The following CTNNA2 variants were observed in gnomAD, a reference collection of about 807,000 sequenced individuals.
CTNNA2 encodes the protein catenin alpha 2, also known as catenin alpha-2.
In CTNNA2, 42 loss-of-function variants were observed where a neutral mutation model predicts 101.0. The observed-to-expected ratio is 0.42, with a 90% CI of 0.32 to 0.54. CTNNA2 has a LOEUF of 0.54. Ranked by LOEUF, CTNNA2 falls within the 20% of genes least tolerant of loss-of-function variation. CTNNA2 has a pLI of 0.14. For missense variants in CTNNA2, 871 were observed against 1,223.1 expected (o/e 0.71, Z 4.29); for synonymous variants, 450 against 456.4 (o/e 0.99, Z 0.18).
chr2:80,574,665 G>GA (rs1201238937), intron 13 of CTNNA2, among the ~76,000 whole-genome samples: 1 of 152,124 alleles, frequency 6.6e-6, no homozygotes, highest in African/African-American at 2.4e-5. Context: ...AAGAAATGAA[G>GA]ATTACACAGC....
rs1022448093 is a variant in CTNNA2 at position 80,601,858 on chromosome 2, G to A, written c.2190-2216G>A. ...TTTAGTTAGTGTTTTTTGTAACTTCGTGTGTATTAATGTATGTAGTTAAGG... is the reference window on the plus strand; with the variant it reads ...TTTAGTTAGTGTTTTTTGTAACTTCATGTGTATTAATGTATGTAGTTAAGG... On this transcript the variant is annotated intron_variant, in intron 15 of 18. Transcript: ENST00000402739. 5.3e-5 allele frequency: 8 copies of A among 151,894 alleles called. No homozygotes were observed. In the South Asian group the frequency reaches 1.3e-3, roughly 24 times the overall value. The allele number at this position is 151,894 out of a possible 1,614,324, so 9.4% of individuals were successfully genotyped here. A position where few individuals can be genotyped will look rare whatever the true frequency, so the allele number is the denominator to read the frequency against.
chr2:79,928,357 C>G (rs1687169926), intron 7 of CTNNA2, among the ~76,000 whole-genome samples: 1 of 152,108 alleles, frequency 6.6e-6, no homozygotes, highest in Admixed American at 6.6e-5. Flanking sequence ...ATACAAAACA[C>G]TATTGTAGAT....
chr2:79,617,741 T>C (rs1342200884), intron 1 of CTNNA2, among the ~76,000 whole-genome samples: 2 of 152,176 alleles, frequency 1.3e-5, no homozygotes, highest in Non-Finnish European at 2.9e-5. Context: ...CTTTTCCTAT[T>C]CGTTAATGAG....
intron 7 of CTNNA2, among the ~76,000 whole-genome samples, chr2:80,208,815 C>G (rs1005058082): frequency 6.6e-6 from 1 of 152,184 alleles, no homozygotes; most frequent in African/African-American, 2.4e-5. Context: ...AACAATTTCA[C>G]CAATGAAAAG....
At chr2:80,320,592 A>G (rs1678584269) in intron 7 of CTNNA2, among the ~76,000 whole-genome samples, 1 of 152,202 alleles carries the variant, frequency 6.6e-6, no homozygotes, top group African/African-American at 2.4e-5. Context: ...CAAGTGTGGG[A>G]TGAAGAGAGG....
chr2:79,408,888 A>G (rs1678373689), intron 4 of CTNNA2, among the ~76,000 whole-genome samples: 2 of 151,408 alleles, frequency 1.3e-5, no homozygotes, highest in African/African-American at 4.9e-5. Context: ...GACTTCCACA[A>G]TGGTTGAACT....
intron 4 of CTNNA2, among the ~76,000 whole-genome samples, chr2:79,384,069 T>G (rs1200939425): frequency 1.3e-5 from 2 of 152,102 alleles, no homozygotes; most frequent in African/African-American, 4.8e-5. Flanking sequence ...ATGGGAAACA[T>G]TTAGCAACCA....
intron 7 of CTNNA2, among the ~76,000 whole-genome samples, chr2:80,319,564 G>T (rs1678481482): frequency 6.6e-6 from 1 of 152,150 alleles, no homozygotes; most frequent in East Asian, 1.9e-4. Context: ...TACTTTGATG[G>T]TTTTTCTCTT....
chr2:80,516,427 T>C (rs1689114570), intron 9 of CTNNA2, among the ~76,000 whole-genome samples: 1 of 152,156 alleles, frequency 6.6e-6, no homozygotes, highest in Admixed American at 6.5e-5. Context: ...GCAAATGAGC[T>C]TCCTACTTGT....
chr2:79,694,100 A>G (rs563137075), intron 2 of CTNNA2, among the ~76,000 whole-genome samples: 13 of 152,070 alleles, frequency 8.5e-5, no homozygotes, highest in African/African-American at 3.1e-4. Context: ...TCTTCTTCTC[A>G]CTTAGACAAC....
chr2:79,300,207 C>T lies in CTNNA2; in HGVS notation c.-405-12502C>T, dbSNP rs189349739. ...TCTTCCCCATCTCTGCCACAAACCCCGGCAACCAGTGATGTTTTCCTGTCT... is the reference window on the plus strand; with the variant it reads ...TCTTCCCCATCTCTGCCACAAACCCTGGCAACCAGTGATGTTTTCCTGTCT... On this transcript the variant is annotated intron_variant, in intron 2 of 21. Coordinates refer to the CTNNA2 transcript ENST00000466387. 1.7e-3 allele frequency among the ~76,000 whole-genome samples: 263 copies of T among 152,260 alleles called. 2 individuals are homozygous for T. The highest frequency in any genetic ancestry group is 4.7e-3 in the African/African-American group (196 of 41,554).
intron 7 of CTNNA2, among the ~76,000 whole-genome samples, chr2:80,171,588 C>T (rs1255674874): frequency 2.0e-5 from 3 of 152,236 alleles, no homozygotes; most frequent in Non-Finnish European, 4.4e-5. Context: ...TAGCGAGTCT[C>T]ATGCACTTTC....
intron 7 of CTNNA2, among the ~76,000 whole-genome samples, chr2:80,238,784 G>A (rs1709677935): frequency 6.6e-6 from 1 of 152,106 alleles, no homozygotes; most frequent in East Asian, 1.9e-4. Flanking sequence ...CTTCCCCACA[G>A]GACATCAACA....
chr2:80,534,719 T>C (rs968728583), intron 9 of CTNNA2, among the ~76,000 whole-genome samples: 1 of 152,174 alleles, frequency 6.6e-6, no homozygotes. Flanking sequence ...TGGGATGCAA[T>C]GCTGGTAGCA....
At chr2:80,463,979 G>A (rs1353060478) in intron 9 of CTNNA2, among the ~76,000 whole-genome samples, 1 of 151,946 alleles carries the variant, frequency 6.6e-6, no homozygotes, top group African/African-American at 2.4e-5. Flanking sequence ...TTCATCTTCT[G>A]CCTCTTCCTT....
At chr2:79,630,145 C>A (rs56170896) in intron 1 of CTNNA2, among the ~76,000 whole-genome samples, 15,897 of 152,148 alleles carry the variant, frequency 0.1, 1,123 homozygotes, top group East Asian at 0.36. Flanking sequence ...CCTGCCGTAC[C>A]ACAATATAGA....
At position 79,641,166 on chromosome 2, in the gene CTNNA2, T is replaced by G. The variant is rs533717792; in HGVS notation, c.-5-10386T>G. ...GTTACAAAGAGAAGTTGGGGCTTGT[T>G]GGAAAAGAGAATTAAGCAGTTGTTT... On this transcript the variant is annotated intron_variant, in intron 1 of 18. Transcript: ENST00000402739. Among the ~76,000 whole-genome samples, 3 of 152,260 alleles carry G rather than the reference T, an allele frequency of 2.0e-5. No individual in the cohort carries two copies. In the East Asian group the frequency reaches 5.8e-4, roughly 29 times the overall value.
At chr2:80,253,553 C>A (rs537486276) in intron 7 of CTNNA2, among the ~76,000 whole-genome samples, 1 of 152,256 alleles carries the variant, frequency 6.6e-6, no homozygotes, top group Non-Finnish European at 1.5e-5. Flanking sequence ...AATCTACCTG[C>A]TGTTCTTTTG....
chr2:80,545,967 A>G lies in CTNNA2; in HGVS notation c.1444A>G (p.Met482Val), dbSNP rs751434628. 6 of 1,614,116 alleles carry G rather than the reference A, an allele frequency of 3.7e-6. No homozygotes were observed. Among genetic ancestry groups the G allele is most frequent in the Non-Finnish European group, 5.1e-6 (6 of 1,180,012 alleles). ...ACAGAGCAAAGTTGCTCAGGATAAC[A>G]TGGACGTCTTCAAAGACCAGTGGGA... ...RPQSKVAQDN[M>V]DVFKDQWEKQ... Residue 482 changes from methionine (M) to valine (V), a missense_variant, in exon 11 of 19, where the codon ATG becomes GTG. Transcript: ENST00000402739.
Sources: gnomAD v4.1 joint callset for allele counts (sites outside exome capture counted in the v4.1 genomes callset) on GRCh38, gnomAD v4.1.1 for gene constraint, MANE v1.5 for transcripts, NCBI Gene and HGNC (gene_info 2026-07-23, HGNC 2026-07-21) for gene names.